EXOC2: variants seen among roughly 807,000 people sequenced by gnomAD.
The protein encoded by EXOC2 is SEC5-like 1.
A neutral mutation model predicts 131.8 loss-of-function variants in EXOC2; 70 were observed. That is an observed-to-expected ratio of 0.53 (90% CI 0.44 to 0.65). EXOC2 has a LOEUF of 0.65. Among genes scored for constraint, EXOC2 ranks in the 30% least tolerant of loss-of-function variants. The probability of loss-of-function intolerance (pLI) is 0.00; values close to 1 mark genes in which losing one functional copy is unlikely to be tolerated. For synonymous variants in EXOC2, 411 were observed against 398.4 expected (o/e 1.03, Z -0.38); for missense variants, 923 against 1,108.6 (o/e 0.83, Z 2.38).
chr6:505,573 G>C (rs1764499120), intron 23 of EXOC2, among the ~76,000 whole-genome samples: 1 of 152,218 alleles, frequency 6.6e-6, no homozygotes, highest in Non-Finnish European at 1.5e-5. Context: ...ACAAGCGGGA[G>C]GTGTTAGGAC....
At chr6:541,299 G>A (rs1561835284) in intron 22 of EXOC2, among the ~76,000 whole-genome samples, 3 of 152,112 alleles carry the variant, frequency 2.0e-5, no homozygotes, top group African/African-American at 4.8e-5. Flanking sequence ...TACCACTTGC[G>A]AAAACATGGG....
At chr6:555,856 T>C in intron 19 of EXOC2, 98 bp downstream of exon 19, 2 of 1,187,928 alleles carry the variant, frequency 1.7e-6, no homozygotes, top group Non-Finnish European at 2.4e-6. Context: ...AAAGAATACC[T>C]ATTTGGTGAA....
chr6:520,693 TCGCCGTCCACACTCGGAGAC>T (rs1765366047), intron 23 of EXOC2, among the ~76,000 whole-genome samples: 1 of 110,210 alleles, frequency 9.1e-6, no homozygotes, highest in Non-Finnish European at 1.8e-5. Flanking sequence ...GCGCCGACAC[TCGCCGTCCACACTCGGAGAC>T]GAAAACAACC....
rs555873765 is a variant in EXOC2, at chr6:650,853, G to C, written c.-43-12992C>G. 2.7e-4 allele frequency among the ~76,000 whole-genome samples: 41 copies of C among 152,098 alleles called. No individual in the cohort carries two copies. The South Asian group carries it at 8.5e-3, about 31-fold the overall frequency. ...CAGACAACTGGAGGAAAGAAGAGGA[G>C]AGAGTATGAAACTAGTAAAAAATAT... On this transcript the variant is annotated intron_variant, in intron 1 of 27. Coordinates refer to ENST00000230449, the MANE Select transcript of EXOC2 (RefSeq NM_018303.6).
intron 11 of EXOC2, among the ~76,000 whole-genome samples, chr6:583,797 G>A (rs1168684365): frequency 6.6e-6 from 1 of 152,238 alleles, no homozygotes; most frequent in Non-Finnish European, 1.5e-5. Context: ...CAAGTGCACA[G>A]CAGAAGCCTT....
chr6:685,063 TG>T (rs1238760319), intron 1 of EXOC2, among the ~76,000 whole-genome samples: 1 of 152,080 alleles, frequency 6.6e-6, no homozygotes, highest in Non-Finnish European at 1.5e-5. Context: ...CCTCATGATG[TG>T]AAAACACTAT....
At chr6:617,544 A>T (rs1761075619) in intron 6 of EXOC2, among the ~76,000 whole-genome samples, 167 bp downstream of exon 6, 1 of 152,254 alleles carries the variant, frequency 6.6e-6, no homozygotes, top group Admixed American at 6.5e-5. Context: ...TAAAGTACCA[A>T]GTCTTCAAAG....
At position 677,212 on chromosome 6, in the gene EXOC2, T is replaced by G. The variant is rs201451013; in HGVS notation, c.-44+15807A>C. ...GCATTACGGAAAGGACAGGTTCCTC[T>G]GGAGACTCTGCGGTTCCCCATACTC... On this transcript the variant is annotated intron_variant, in intron 1 of 27. Coordinates refer to ENST00000230449, the MANE Select transcript of EXOC2 (RefSeq NM_018303.6). Among the ~76,000 whole-genome samples, 451 of 82,142 alleles carry G rather than the reference T, an allele frequency of 5.5e-3. 11 individuals are homozygous for G. The highest frequency in any genetic ancestry group is 0.013 in the African/African-American group (338 of 25,338). 53.9% of individuals were successfully genotyped at this position (82,142 alleles called of 152,430 possible). A position where few individuals can be genotyped will look rare whatever the true frequency, so the allele number is the denominator to read the frequency against.
At chr6:642,983 T>C (rs894096147) in intron 1 of EXOC2, among the ~76,000 whole-genome samples, 23 of 151,154 alleles carry the variant, frequency 1.5e-4, no homozygotes, top group South Asian at 2.1e-4. Flanking sequence ...CTGAAAGAAG[T>C]TCTTCAATCT....
At chr6:569,857 G>A (rs1056915237) in intron 13 of EXOC2, among the ~76,000 whole-genome samples, 2 of 152,204 alleles carry the variant, frequency 1.3e-5, no homozygotes, top group African/African-American at 4.8e-5. Context: ...TTGTGCATGA[G>A]TTCTGAAGTA....
chr6:572,803 G>A (rs1284532851), intron 12 of EXOC2, among the ~76,000 whole-genome samples, 159 bp from the exon 13 acceptor site: 6 of 152,210 alleles, frequency 3.9e-5, no homozygotes, highest in African/African-American at 9.6e-5. Context: ...GGCTGACACC[G>A]GCAGCGGTAC....
rs145629911 is a variant in EXOC2 at position 548,959 on chromosome 6, G to T, written c.2238+216C>A. 2.3e-3 allele frequency among the ~76,000 whole-genome samples: 352 copies of T among 152,304 alleles called. 1 individual carries two copies. Among genetic ancestry groups the T allele is most frequent in the African/African-American group, 7.1e-3 (294 of 41,570 alleles). On this transcript the variant is annotated intron_variant, in intron 22 of 27. Transcript: ENST00000230449. ...AACCTTGAGGGAGCTCTGCTCTAGAGAAAAGAAAAGGGTATTAAATTAACC... is the reference window on the plus strand; with the variant it reads ...AACCTTGAGGGAGCTCTGCTCTAGATAAAAGAAAAGGGTATTAAATTAACC...
At chr6:579,536 G>A (rs937215286) in intron 11 of EXOC2, among the ~76,000 whole-genome samples, 1 of 152,180 alleles carries the variant, frequency 6.6e-6, no homozygotes, top group African/African-American at 2.4e-5. Context: ...GTGTCCAGAA[G>A]GTAGCGCTTC....
chr6:540,940 T>C (rs923029950), intron 22 of EXOC2, among the ~76,000 whole-genome samples: 42 of 152,088 alleles, frequency 2.8e-4, no homozygotes, highest in African/African-American at 9.9e-4. Context: ...AATCAAGAGA[T>C]CAAAGTCCAA....
At chr6:680,398 G>T (rs1764348685) in intron 1 of EXOC2, among the ~76,000 whole-genome samples, 1 of 152,206 alleles carries the variant, frequency 6.6e-6, no homozygotes, top group Non-Finnish European at 1.5e-5. Flanking sequence ...TACAGAGAAA[G>T]GGCTAGAAGG....
intron 23 of EXOC2, among the ~76,000 whole-genome samples, chr6:507,355 ACC>A (rs1561795113): frequency 3.3e-5 from 2 of 61,106 alleles, no homozygotes; most frequent in Admixed American, 3.7e-4. Context: ...CACAGCAGTG[ACC>A]CCACACACAC....
rs150020453 is a variant in EXOC2 at position 665,178 on chromosome 6, A to T, written c.-43-27317T>A. The stretch of plus-strand genomic sequence containing the variant: ...TACAAATGGCCAACAAACATATGAA[A>T]AAAATGCTCAGCATCACTAATGATC... On this transcript the variant is annotated intron_variant, in intron 1 of 27. Transcript: ENST00000230449. Among the ~76,000 whole-genome samples, 823 of 152,374 alleles carry T rather than the reference A, an allele frequency of 5.4e-3. 7 individuals are homozygous for T. Among genetic ancestry groups the T allele is most frequent in the African/African-American group, 0.019 (771 of 41,586 alleles).
intron 25 of EXOC2, among the ~76,000 whole-genome samples, chr6:495,477 C>T (rs1763675462): frequency 6.6e-6 from 1 of 152,194 alleles, no homozygotes; most frequent in African/African-American, 2.4e-5. Context: ...AACATTCTTA[C>T]AAATGTTTTG....
chr6:542,117 T>A (rs959669301), intron 22 of EXOC2, among the ~76,000 whole-genome samples: 4 of 152,194 alleles, frequency 2.6e-5, no homozygotes, highest in Admixed American at 1.3e-4. Flanking sequence ...TAGTTCTCTA[T>A]AGGAGAAGGT....
Sources: allele counts gnomAD v4.1 joint callset (sites outside exome capture counted in the v4.1 genomes callset), GRCh38; gene constraint gnomAD v4.1.1; transcripts MANE v1.5; gene names NCBI Gene and HGNC (gene_info 2026-07-23, HGNC 2026-07-21).